STPG4: variants seen among roughly 807,000 people sequenced by gnomAD.
STPG4 encodes sperm-tail PG-rich repeat containing 4.
A neutral mutation model predicts 31.5 loss-of-function variants in STPG4; 41 were observed. The ratio of observed to expected loss-of-function variants is 1.30; its 90% CI spans 1.01 to 1.69. The LOEUF is 1.69. Ranked by LOEUF, STPG4 falls within the 40% of genes most tolerant of loss-of-function variation. The pLI is 0.00. For synonymous variants in STPG4, 141 were observed against 103.0 expected, an observed-to-expected ratio of 1.37 and a Z score of -2.24; for missense variants, 375 against 293.4, an observed-to-expected ratio of 1.28 and a Z score of -2.03.
chr2:47,113,515 T>A (rs1188150644), intron 5 of STPG4, among the ~76,000 whole-genome samples: 1 of 152,168 alleles, frequency 6.6e-6, no homozygotes, highest in East Asian at 1.9e-4. Flanking sequence ...ACAACTAATA[T>A]GTTAAAAAAC....
chr2:47,145,538 G>A (rs999519317), intron 3 of STPG4, among the ~76,000 whole-genome samples: 1 of 152,180 alleles, frequency 6.6e-6, no homozygotes, highest in African/African-American at 2.4e-5. Flanking sequence ...ATTAACAGAA[G>A]CCAAAGCAAA....
At chr2:47,096,614 T>C (rs1016446629) in intron 5 of STPG4, among the ~76,000 whole-genome samples, 2 of 152,180 alleles carry the variant, frequency 1.3e-5, no homozygotes, top group African/African-American at 4.8e-5. Flanking sequence ...ACCATGAATG[T>C]CCCAGGGGGT....
chr2:47,136,407 C>T (rs1686598012), intron 3 of STPG4, among the ~76,000 whole-genome samples: 2 of 152,202 alleles, frequency 1.3e-5, no homozygotes, highest in African/African-American at 2.4e-5. Flanking sequence ...TTTGGCCTCC[C>T]AAAGTGCTGG....
intron 5 of STPG4, among the ~76,000 whole-genome samples, chr2:47,123,764 C>G (rs1197424603): frequency 2.0e-5 from 3 of 152,058 alleles, no homozygotes; most frequent in African/African-American, 7.2e-5. Flanking sequence ...AAATGTTAAT[C>G]TTACTATAGC....
chr2:47,140,017 G>A (rs1462892775), intron 3 of STPG4, among the ~76,000 whole-genome samples: 6 of 151,878 alleles, frequency 4.0e-5, no homozygotes, highest in Non-Finnish European at 7.4e-5. Flanking sequence ...CCTGTGATCC[G>A]CCCGCCTCAG....
At position 47,098,757 on chromosome 2, in the gene STPG4, G is replaced by GAAA. The variant is rs5830939; in HGVS notation, c.520-8386_520-8384dup. 2.0e-3 allele frequency among the ~76,000 whole-genome samples: 274 copies of GAAA among 139,820 alleles called. 2 individuals carry two copies. The highest frequency in any genetic ancestry group is 6.4e-3 in the African/African-American group (240 of 37,566). 91.7% of individuals were successfully genotyped at this position (139,820 alleles called of 152,430 possible). ...GTGTGTGACACACTGCTCAAAAGAG[G>GAAA]AAAAAAAAAAAAAAGCCCCTCAGCA... On this transcript the variant is annotated intron_variant, in intron 5 of 6. Transcript: ENST00000445927.
intron 3 of STPG4, among the ~76,000 whole-genome samples, chr2:47,134,654 C>T (rs561294053): frequency 1.3e-5 from 2 of 152,312 alleles, no homozygotes; most frequent in South Asian, 4.1e-4. Flanking sequence ...ATGAATAAAG[C>T]TGCTATAAAC....
chr2:47,127,252 C>CTTTTTTTTTTTTTTTTTTTTTTTTTTTTT lies in STPG4; in HGVS notation c.519+2660_519+2688dup, dbSNP rs57475505. Among the ~76,000 whole-genome samples the CTTTTTTTTTTTTTTTTTTTTTTTTTTTTT allele has an allele frequency of 1.4e-4, 8 of 57,474 alleles. 2 individuals carry two copies. Among genetic ancestry groups the CTTTTTTTTTTTTTTTTTTTTTTTTTTTTT allele is most frequent in the African/African-American group, 5.2e-4 (5 of 9,674 alleles). 37.7% of individuals were successfully genotyped at this position (57,474 alleles called of 152,430 possible). On this transcript the variant is annotated intron_variant, in intron 5 of 6. Transcript: ENST00000445927. Reference sequence around the variant, plus strand: ...CAAATAGCTTGTCTTCAAGCTAATTCTTTTTTTTTTTTTTTTTTTTTTTTT... The same window carrying CTTTTTTTTTTTTTTTTTTTTTTTTTTTTT: ...CAAATAGCTTGTCTTCAAGCTAATTCTTTTTTTTTTTTTTTTTTTTTTTTTTTTTTTTTTTTTTTTTTTTTTTTTTTTTT...
intron 5 of STPG4, among the ~76,000 whole-genome samples, chr2:47,117,749 C>T (rs74427692): frequency 0.025 from 3,871 of 152,236 alleles, 175 homozygotes; most frequent in African/African-American, 0.088. Context: ...ACAATGCCTA[C>T]TTGGCATAGG....
intron 5 of STPG4, among the ~76,000 whole-genome samples, chr2:47,096,734 A>G (rs371474428): frequency 6.6e-6 from 1 of 152,218 alleles, no homozygotes; most frequent in Admixed American, 6.5e-5. Context: ...TTTAGGCCAG[A>G]GATTCTGGCA....
intron 5 of STPG4, among the ~76,000 whole-genome samples, chr2:47,103,360 C>T (rs530149316): frequency 2.0e-5 from 3 of 151,810 alleles, no homozygotes; most frequent in Non-Finnish European, 4.4e-5. Flanking sequence ...AGTTTATTAC[C>T]CAATCAGCCG....
Position 47,127,252 on chromosome 2 carries a change from C to CTT in STPG4, c.519+2687_519+2688dup, listed in dbSNP as rs57475505. On this transcript the variant is annotated intron_variant, in intron 5 of 6. Transcript: ENST00000445927. ...CAAATAGCTTGTCTTCAAGCTAATTCTTTTTTTTTTTTTTTTTTTTTTTTT... is the reference window on the plus strand; with the variant it reads ...CAAATAGCTTGTCTTCAAGCTAATTCTTTTTTTTTTTTTTTTTTTTTTTTTTT... Among the ~76,000 whole-genome samples, 320 of 57,450 alleles carry CTT rather than the reference C, an allele frequency of 5.6e-3. 74 individuals carry two copies. Among genetic ancestry groups the CTT allele is most frequent in the African/African-American group, 0.015 (144 of 9,664 alleles). 37.7% of individuals were successfully genotyped at this position (57,450 alleles called of 152,430 possible).
intron 3 of STPG4, among the ~76,000 whole-genome samples, chr2:47,142,864 A>T (rs1686742908): frequency 1.2e-5 from 1 of 82,018 alleles, no homozygotes; most frequent in Non-Finnish European, 2.4e-5. Context: ...TTTTTTTGAG[A>T]CAGAGTTTTG....
At chr2:47,125,494 G>A (rs1425378496) in intron 5 of STPG4, among the ~76,000 whole-genome samples, 1 of 152,138 alleles carries the variant, frequency 6.6e-6, no homozygotes, top group Admixed American at 6.5e-5. Context: ...TTTGTCAGAC[G>A]GATAGTTTGC....
intron 5 of STPG4, among the ~76,000 whole-genome samples, chr2:47,117,932 T>TA (rs1686185217): frequency 1.8e-5 from 2 of 108,404 alleles, no homozygotes; most frequent in East Asian, 2.0e-4. Flanking sequence ...ATATATATAT[T>TA]TTTTTTTTAA....
rs529721974 is a variant in STPG4, at chr2:47,101,346, T to G, written c.520-10972A>C. On this transcript the variant is annotated intron_variant, in intron 5 of 6. Coordinates refer to ENST00000445927, the MANE Select transcript of STPG4 (RefSeq NM_001163561.2). ...CGAGGGTTGACAGAGAGGAAAGCCA[T>G]GCAGCTCCAGGGTCCCGACAACAAG... Among the ~76,000 whole-genome samples, 17 of 151,800 alleles carry G rather than the reference T, an allele frequency of 1.1e-4. No individual in the cohort carries two copies. In the East Asian group the frequency reaches 3.1e-3, roughly 28 times the overall value.
intron 5 of STPG4, among the ~76,000 whole-genome samples, chr2:47,101,246 C>A (rs1573153871): frequency 6.6e-6 from 1 of 151,750 alleles, no homozygotes; most frequent in Non-Finnish European, 1.5e-5. Context: ...CTCTAACAAC[C>A]CCCGACTCTT....
At chr2:47,111,703 G>A (rs1686038965) in intron 5 of STPG4, among the ~76,000 whole-genome samples, 1 of 152,044 alleles carries the variant, frequency 6.6e-6, no homozygotes, top group Non-Finnish European at 1.5e-5. Context: ...ACTTATGGTA[G>A]AATATGTCCT....
intron 3 of STPG4, among the ~76,000 whole-genome samples, chr2:47,138,647 T>C (rs2103791367): frequency 6.6e-6 from 1 of 152,302 alleles, no homozygotes; most frequent in South Asian, 2.1e-4. Flanking sequence ...ACTCCCTGGT[T>C]CAAGAGATTC....
Sources: gnomAD v4.1 joint callset for allele counts (sites outside exome capture counted in the v4.1 genomes callset) on GRCh38, gnomAD v4.1.1 for gene constraint, MANE v1.5 for transcripts, NCBI Gene and HGNC (gene_info 2026-07-23, HGNC 2026-07-21) for gene names.